PLCB1: variants seen among roughly 807,000 people sequenced by gnomAD.
The protein encoded by PLCB1 is 1-phosphatidylinositol 4,5-bisphosphate phosphodiesterase beta-1.
In PLCB1, 46 loss-of-function variants were observed where a neutral mutation model predicts 161.8. The ratio of observed to expected loss-of-function variants is 0.28; its 90% CI spans 0.22 to 0.36. The LOEUF (loss-of-function observed/expected upper bound fraction) is 0.36. Among genes scored for constraint, PLCB1 ranks in the 10% least tolerant of loss-of-function variants. PLCB1 has a pLI of 1.00. For synonymous variants in PLCB1, 517 were observed against 503.7 expected, an observed-to-expected ratio of 1.03 and a Z score of -0.35; for missense variants, 1,016 against 1,472.5, an observed-to-expected ratio of 0.69 and a Z score of 5.07.
chr20:8,343,697 GC>G (rs1269454889), intron 2 of PLCB1, among the ~76,000 whole-genome samples: 7 of 152,146 alleles, frequency 4.6e-5, no homozygotes, highest in African/African-American at 1.7e-4. Flanking sequence ...TCAGAGGCCT[GC>G]CCCTCTGGTT....
At chr20:8,833,151 A>G (rs1357161679) in intron 31 of PLCB1, among the ~76,000 whole-genome samples, 1 of 152,224 alleles carries the variant, frequency 6.6e-6, no homozygotes, top group Non-Finnish European at 1.5e-5. Flanking sequence ...GTCTGTTCTC[A>G]TGCTGCCAAT....
intron 2 of PLCB1, among the ~76,000 whole-genome samples, chr20:8,197,808 C>A (rs528205777): frequency 3.3e-5 from 5 of 152,270 alleles, no homozygotes; most frequent in South Asian, 2.1e-4. Context: ...ACATTTAAAT[C>A]TTTAATCCAT....
intron 2 of PLCB1, among the ~76,000 whole-genome samples, chr20:8,223,798 T>C (rs1308860326): frequency 6.6e-6 from 1 of 152,174 alleles, no homozygotes; most frequent in African/African-American, 2.4e-5. Flanking sequence ...TTCCCCAACC[T>C]GATTCAAAGA....
At chr20:8,455,110 A>T (rs889111245) in intron 3 of PLCB1, among the ~76,000 whole-genome samples, 7 of 152,000 alleles carry the variant, frequency 4.6e-5, no homozygotes, top group African/African-American at 1.5e-4. Flanking sequence ...AGGTGGGCAG[A>T]TCAAGGTCAG....
At chr20:8,705,982 G>A (rs111464072) in intron 11 of PLCB1, among the ~76,000 whole-genome samples, 6 of 152,342 alleles carry the variant, frequency 3.9e-5, no homozygotes, top group African/African-American at 1.2e-4. Context: ...AGTACTAGAA[G>A]CCAGGAAAGC....
chr20:8,356,889 C>T (rs1053396046), intron 2 of PLCB1, among the ~76,000 whole-genome samples: 2 of 152,088 alleles, frequency 1.3e-5, no homozygotes, highest in Non-Finnish European at 2.9e-5. Flanking sequence ...TTATGGAAGA[C>T]TTTAAGGAAA....
At position 8,425,012 on chromosome 20, in the gene PLCB1, G is replaced by A. The variant is rs754478701; in HGVS notation, c.246+53562G>A. Among the ~76,000 whole-genome samples, 10 of 152,004 alleles carry A rather than the reference G, an allele frequency of 6.6e-5. No homozygotes were observed. The South Asian group carries it at 1.0e-3, about 16-fold the overall frequency. ...GTAACTGAAGCAGTAGCCTGCAATC[G>A]GTCTGATTGGTTGCAGAAAACAGCC... On this transcript the variant is annotated intron_variant, in intron 3 of 31. Coordinates refer to ENST00000338037, the MANE Select transcript of PLCB1 (RefSeq NM_015192.4).
intron 2 of PLCB1, among the ~76,000 whole-genome samples, chr20:8,299,785 C>T (rs1263051157): frequency 1.3e-5 from 2 of 152,180 alleles, no homozygotes; most frequent in Non-Finnish European, 2.9e-5. Context: ...CTATCACCAC[C>T]ACGTCCTGTT....
chr20:8,795,890 A>G (rs112455364), intron 31 of PLCB1, among the ~76,000 whole-genome samples: 10 of 139,760 alleles, frequency 7.2e-5, no homozygotes, highest in African/African-American at 1.1e-4. Flanking sequence ...AAAAAAAAAA[A>G]AAAAGAAAAG....
At chr20:8,761,985 C>A (rs1045645357) in intron 25 of PLCB1, among the ~76,000 whole-genome samples, 1 of 126,512 alleles carries the variant, frequency 7.9e-6, no homozygotes, top group Non-Finnish European at 1.7e-5. Flanking sequence ...AAGGGGGGGG[C>A]GGATCACCTG....
Position 8,380,301 on chromosome 20 carries a change from T to C in PLCB1, c.246+8851T>C, listed in dbSNP as rs560097905. 3.9e-5 allele frequency among the ~76,000 whole-genome samples: 6 copies of C among 152,172 alleles called. 1 individual carries two copies. Among genetic ancestry groups the C allele is most frequent in the African/African-American group, 1.2e-4 (5 of 41,538 alleles). The stretch of plus-strand genomic sequence containing the variant: ...GGTGTGTGGTGTTCTATTCCATTGG[T>C]TCTGTATGTCTGTTTTGGTACCAGT... On this transcript the variant is annotated intron_variant, in intron 3 of 31. Transcript: ENST00000338037.
At position 8,658,613 on chromosome 20, in the gene PLCB1, G is replaced by A; in HGVS notation, c.771G>A (p.Arg257=). Reference sequence around the variant, plus strand: ...TCAACCTTAAGCAGCGAGATCCTCGGCTTAATGAAATACTTTATCCACCTC... The same window carrying A: ...TCAACCTTAAGCAGCGAGATCCTCGACTTAATGAAATACTTTATCCACCTC... The part of the protein sequence containing the change: ...DFINLKQRDP[R]LNEILYPPLK... The change falls in exon 9 of 32, where the codon CGG becomes CGA. Residue 257 remains arginine (R), a synonymous_variant. Transcript: ENST00000338037. 6.2e-7 allele frequency: 1 copy of A among 1,613,016 alleles called. No homozygotes were observed. Among genetic ancestry groups the A allele is most frequent in the Non-Finnish European group, 8.5e-7 (1 of 1,179,356 alleles).
At chr20:8,277,887 G>A (rs911991242) in intron 2 of PLCB1, among the ~76,000 whole-genome samples, 3 of 152,136 alleles carry the variant, frequency 2.0e-5, no homozygotes, top group Non-Finnish European at 2.9e-5. Flanking sequence ...AAGAGCACTA[G>A]CATTGCTGGA....
intron 26 of PLCB1, among the ~76,000 whole-genome samples, chr20:8,767,829 A>T (rs1411279589): frequency 1.3e-5 from 2 of 152,208 alleles, no homozygotes; most frequent in African/African-American, 4.8e-5. Context: ...AGTACAGCAA[A>T]CTGGATGGCT....
chr20:8,672,973 A>G (rs1432978688), intron 9 of PLCB1, among the ~76,000 whole-genome samples: 1 of 152,022 alleles, frequency 6.6e-6, no homozygotes, highest in Non-Finnish European at 1.5e-5. Flanking sequence ...TTAGCCTAGC[A>G]TGGTGATGCG....
rs1013720019 is a variant in PLCB1, at chr20:8,366,942, G to A, written c.178-4440G>A. Among the ~76,000 whole-genome samples the A allele has an allele frequency of 3.9e-5, 6 of 152,284 alleles. No individual in the cohort carries two copies. In the East Asian group the frequency reaches 9.7e-4, roughly 24 times the overall value. On this transcript the variant is annotated intron_variant, in intron 2 of 31. Coordinates refer to ENST00000338037, the MANE Select transcript of PLCB1 (RefSeq NM_015192.4). ...CCACTTTTCTAAAGATGTATCTAAT[G>A]TTATGAAGTATAATGCAAAGGTTCT...
intron 2 of PLCB1, among the ~76,000 whole-genome samples, chr20:8,355,068 A>G (rs1986319753): frequency 6.6e-6 from 1 of 152,176 alleles, no homozygotes; most frequent in African/African-American, 2.4e-5. Context: ...ACAACTCATT[A>G]GCTATGTGCT....
chr20:8,734,918 C>A (rs1441602946), intron 19 of PLCB1, among the ~76,000 whole-genome samples: 1 of 152,150 alleles, frequency 6.6e-6, no homozygotes, highest in African/African-American at 2.4e-5. Context: ...AGCAGTTGAG[C>A]ACATTTTTAC....
At chr20:8,854,265 C>T (rs1160043512) in intron 31 of PLCB1, among the ~76,000 whole-genome samples, 1 of 151,890 alleles carries the variant, frequency 6.6e-6, no homozygotes, top group African/African-American at 2.4e-5. Context: ...TCTCAGAGGG[C>T]ATTTTTTTTT....
Sources: gnomAD v4.1 joint callset for allele counts (sites outside exome capture counted in the v4.1 genomes callset) on GRCh38, gnomAD v4.1.1 for gene constraint, MANE v1.5 for transcripts, NCBI Gene and HGNC (gene_info 2026-07-23, HGNC 2026-07-21) for gene names.